The following PCDH15 variants were observed in gnomAD, a reference collection of about 807,000 sequenced individuals.
The protein encoded by PCDH15 is protocadherin related 15.
In PCDH15, 129 loss-of-function variants were observed where a neutral mutation model predicts 178.5. That is an observed-to-expected ratio of 0.72 (90% CI 0.63 to 0.84). PCDH15 has a LOEUF of 0.84. Among genes scored for constraint, PCDH15 ranks in the 40% least tolerant of loss-of-function variants. The probability of loss-of-function intolerance (pLI) is 0.00; values close to 1 mark genes in which losing one functional copy is unlikely to be tolerated. For missense variants in PCDH15, 2,230 were observed against 2,099.9 expected, an observed-to-expected ratio of 1.06 and a Z score of -1.21; for synonymous variants, 800 against 732.0, an observed-to-expected ratio of 1.09 and a Z score of -1.50.
chr10:53,975,562 T>C (rs1589718390), intron 21 of PCDH15, among the ~76,000 whole-genome samples: 1 of 152,148 alleles, frequency 6.6e-6, no homozygotes, highest in Non-Finnish European at 1.5e-5. Flanking sequence ...TGTTTGTTAG[T>C]TGCTTGTATG....
At chr10:54,679,176 C>T (rs1351417438) in intron 1 of PCDH15, among the ~76,000 whole-genome samples, 1 of 120,038 alleles carries the variant, frequency 8.3e-6, no homozygotes, top group Non-Finnish European at 1.6e-5. Context: ...GGAGACACAG[C>T]GAGACTCCGT....
intron 26 of PCDH15, among the ~76,000 whole-genome samples, chr10:53,900,030 T>A (rs746411810): frequency 1.3e-5 from 2 of 152,114 alleles, no homozygotes; most frequent in Non-Finnish European, 2.9e-5. Flanking sequence ...GAAAAAAAAA[T>A]CTAACCACCC....
In PCDH15 at chr10:54,342,913, C is replaced by A. The variant is rs1308123384; in HGVS notation, c.594+3452G>T. Among the ~76,000 whole-genome samples, 10 of 152,300 alleles carry A rather than the reference C, an allele frequency of 6.6e-5. No homozygotes were observed. In the East Asian group the frequency reaches 1.9e-3, roughly 29 times the overall value. On this transcript the variant is annotated intron_variant, in intron 6 of 37. Transcript: ENST00000644397. ...GTGGTGCCTTTATTTGGGCCAATTT[C>A]TCACATACAGAATGGGTGTATATAC...
In PCDH15 at chr10:54,794,326, C is replaced by T. The variant is rs118188060; in HGVS notation, c.-29+6599G>A. Among the ~76,000 whole-genome samples, 1,017 of 151,500 alleles carry T rather than the reference C, an allele frequency of 6.7e-3. 2 individuals carry two copies. Among genetic ancestry groups the T allele is most frequent in the Non-Finnish European group, 0.011 (778 of 67,732 alleles). On this transcript the variant is annotated intron_variant, in intron 1 of 37. Transcript: ENST00000644397. ...GAAAATCTTATTTCTCACAATGAAA[C>T]CTTATTATCTGAAGCTCAGCTGAAT...
intron 1 of PCDH15, among the ~76,000 whole-genome samples, chr10:54,707,847 C>T (rs945289615): frequency 6.6e-6 from 1 of 152,030 alleles, no homozygotes; most frequent in African/African-American, 2.4e-5. Context: ...TAAAGAAACC[C>T]ATAAAGAGAT....
chr10:54,744,721 A>C (rs1392941371), intron 1 of PCDH15, among the ~76,000 whole-genome samples: 3 of 152,142 alleles, frequency 2.0e-5, no homozygotes, highest in Non-Finnish European at 4.4e-5. Flanking sequence ...TTTTAAGAAA[A>C]ATGTAAAGTG....
chr10:55,021,803 T>A (rs1840336148), intron 2 of PCDH15, among the ~76,000 whole-genome samples: 1 of 152,114 alleles, frequency 6.6e-6, no homozygotes, highest in Non-Finnish European at 1.5e-5. Flanking sequence ...GAAAGGCACA[T>A]TAAGAAGTAA....
At chr10:54,160,765 C>G (rs945920433) in intron 13 of PCDH15, among the ~76,000 whole-genome samples, 5 of 151,850 alleles carry the variant, frequency 3.3e-5, no homozygotes, top group African/African-American at 1.2e-4. Context: ...GATATTTCAC[C>G]AAAGAAGATC....
intron 3 of PCDH15, among the ~76,000 whole-genome samples, chr10:54,869,563 A>C (rs1953998343): frequency 3.3e-5 from 5 of 152,206 alleles, no homozygotes; most frequent in Admixed American, 3.3e-4. Context: ...ACCACTTAGT[A>C]CTTTCTCTTG....
chr10:54,126,301 C>T (rs1191545558), intron 15 of PCDH15, among the ~76,000 whole-genome samples: 4 of 151,986 alleles, frequency 2.6e-5, no homozygotes, highest in African/African-American at 9.7e-5. Context: ...AAACTCCTGA[C>T]CTAAGGTAAT....
intron 10 of PCDH15, among the ~76,000 whole-genome samples, chr10:54,198,210 G>T (rs1020198): frequency 7.2e-5 from 11 of 152,144 alleles, no homozygotes; most frequent in African/African-American, 2.7e-4. Context: ...TGTGCCGAGC[G>T]ATGGATGTTC....
At chr10:55,611,207 T>C (rs147629282) in intron 2 of PCDH15, among the ~76,000 whole-genome samples, 3,444 of 152,080 alleles carry the variant, frequency 0.023, 137 homozygotes, top group African/African-American at 0.078. Flanking sequence ...AGAAAACAAT[T>C]AACAGAGTGA....
chr10:54,662,250 G>A (rs1377524471), intron 2 of PCDH15, among the ~76,000 whole-genome samples: 2 of 151,816 alleles, frequency 1.3e-5, no homozygotes, highest in Non-Finnish European at 2.9e-5. Context: ...AATGTAAACA[G>A]ACACTTCCCA....
intron 13 of PCDH15, among the ~76,000 whole-genome samples, chr10:54,178,967 G>GTACAA (rs1406249356): frequency 6.6e-6 from 1 of 152,110 alleles, no homozygotes; most frequent in Non-Finnish European, 1.5e-5. Context: ...TACACTGTTG[G>GTACAA]TGGGATTGTA....
intron 3 of PCDH15, among the ~76,000 whole-genome samples, chr10:54,522,018 G>A (rs577987860): frequency 5.4e-5 from 8 of 148,644 alleles, no homozygotes; most frequent in African/African-American, 2.0e-4. Context: ...AACCTGGGAG[G>A]CTGAGCTTGC....
chr10:54,545,803 C>T (rs116076220), intron 2 of PCDH15, among the ~76,000 whole-genome samples: 8 of 152,138 alleles, frequency 5.3e-5, no homozygotes, highest in Non-Finnish European at 1.2e-4. Context: ...GTATATTGGA[C>T]CACCCACTCT....
At chr10:54,320,627 C>T (rs1277258119) in intron 7 of PCDH15, among the ~76,000 whole-genome samples, 3 of 151,698 alleles carry the variant, frequency 2.0e-5, no homozygotes, top group Admixed American at 6.6e-5. Context: ...TTTTTTAATA[C>T]TGATCTTTTA....
At chr10:54,413,832 C>T (rs998913888) in intron 3 of PCDH15, among the ~76,000 whole-genome samples, 1 of 152,028 alleles carries the variant, frequency 6.6e-6, no homozygotes, top group African/African-American at 2.4e-5. Flanking sequence ...ACGATAATGG[C>T]CTACAATTGC....
chr10:55,484,298 A>G (rs1482467520), intron 2 of PCDH15, among the ~76,000 whole-genome samples: 1 of 151,808 alleles, frequency 6.6e-6, no homozygotes, highest in African/African-American at 2.4e-5. Context: ...AAGTTAAAAA[A>G]TAAAAAAGGA....
Sources: gnomAD v4.1 joint callset for allele counts (sites outside exome capture counted in the v4.1 genomes callset) on GRCh38, gnomAD v4.1.1 for gene constraint, MANE v1.5 for transcripts, NCBI Gene and HGNC (gene_info 2026-07-23, HGNC 2026-07-21) for gene names.